The following SYNE1 variants were observed in gnomAD, a reference collection of about 807,000 sequenced individuals.
SYNE1 encodes the protein spectrin repeat containing nuclear envelope protein 1, also known as nesprin-1.
Under a neutral mutation model 1,111.0 loss-of-function variants are expected in SYNE1, and 616 were observed. The ratio of observed to expected loss-of-function variants is 0.55; its 90% confidence interval spans 0.52 to 0.59. The LOEUF is 0.59. Ranked by LOEUF, SYNE1 falls within the 20% of genes least tolerant of loss-of-function variation. The pLI is 0.00. For missense variants in SYNE1, 10,006 were observed against 10,417.0 expected, an observed-to-expected ratio of 0.96 and a Z score of 1.72; for synonymous variants, 3,855 against 3,825.8, an observed-to-expected ratio of 1.01 and a Z score of -0.28.
chr6:152,176,167 C>T lies in SYNE1; in HGVS notation c.23627+227G>A, dbSNP rs528281846. ...GTTTTGTTTGGATATGACTCTCTCT[C>T]TCTTTCTCGCAGCTACATACAAACA... is the stretch of plus-strand genomic sequence containing the variant. On this transcript the variant is annotated intron_variant, in intron 130 of 145. Coordinates refer to ENST00000367255, the MANE Select transcript of SYNE1 (RefSeq NM_182961.4). Among the ~76,000 whole-genome samples, 9 of 152,062 alleles carry T rather than the reference C, an allele frequency of 5.9e-5. No individual in the cohort carries two copies. The South Asian group carries it at 1.9e-3, about 32-fold the overall frequency.
chr6:152,137,888 T>G (rs1398765338), intron 140 of SYNE1, among the ~76,000 whole-genome samples: 1 of 152,180 alleles, frequency 6.6e-6, no homozygotes, highest in Non-Finnish European at 1.5e-5. Context: ...CAGGAGAAAG[T>G]ACAAAGGAGG....
chr6:152,393,006 C>T (rs1049902785), intron 51 of SYNE1, among the ~76,000 whole-genome samples: 1 of 152,070 alleles, frequency 6.6e-6, no homozygotes, highest in Non-Finnish European at 1.5e-5. Context: ...CCGTGGAGAA[C>T]CTGAATGAGC....
chr6:152,366,587 C>T (rs1407267384), intron 62 of SYNE1, among the ~76,000 whole-genome samples: 1 of 152,214 alleles, frequency 6.6e-6, no homozygotes, highest in Non-Finnish European at 1.5e-5. Context: ...AACCCCATCC[C>T]TTCTGCACGG....
chr6:152,475,179 G>A (rs979960062), intron 14 of SYNE1, among the ~76,000 whole-genome samples: 3 of 152,126 alleles, frequency 2.0e-5, no homozygotes, highest in African/African-American at 7.2e-5. Flanking sequence ...AGAGAAATCT[G>A]ATATAAATGC....
intron 50 of SYNE1, 23 bp from the exon 51 acceptor site, chr6:152,395,694 G>A: frequency 1.2e-6 from 2 of 1,613,574 alleles, no homozygotes; most frequent in African/African-American, 2.7e-5. Context: ...AAATGCCTTA[G>A]AGAAATTCTT....
chr6:152,344,550 C>G (rs1402051316), intron 73 of SYNE1, among the ~76,000 whole-genome samples: 1 of 152,160 alleles, frequency 6.6e-6, no homozygotes, highest in South Asian at 2.1e-4. Flanking sequence ...AAACATAAGT[C>G]AGAGGTTTTT....
At chr6:152,183,409 G>A (rs769109226) in intron 128 of SYNE1, among the ~76,000 whole-genome samples, 4 of 152,068 alleles carry the variant, frequency 2.6e-5, no homozygotes, top group South Asian at 2.1e-4. Flanking sequence ...AAGACCAGCC[G>A]GGCCAACATA....
intron 130 of SYNE1, among the ~76,000 whole-genome samples, chr6:152,164,707 T>C (rs1258384391): frequency 6.6e-6 from 1 of 152,122 alleles, no homozygotes; most frequent in Non-Finnish European, 1.5e-5. Context: ...CATGGCTGAG[T>C]GTACACAGAT....
intron 3 of SYNE1, among the ~76,000 whole-genome samples, chr6:152,576,013 G>T (rs906593722): frequency 6.6e-6 from 1 of 152,182 alleles, no homozygotes; most frequent in Non-Finnish European, 1.5e-5. Context: ...AGTGGACCTC[G>T]GCTAATCAGC....
chr6:152,424,246 G>T (rs954349777), intron 39 of SYNE1, among the ~76,000 whole-genome samples: 1 of 152,114 alleles, frequency 6.6e-6, no homozygotes, highest in African/African-American at 2.4e-5. Flanking sequence ...TATTAAAATG[G>T]TTTGTATCCA....
chr6:152,632,867 A>G (rs1225532651), intron 2 of SYNE1, among the ~76,000 whole-genome samples: 1 of 152,098 alleles, frequency 6.6e-6, no homozygotes, highest in Non-Finnish European at 1.5e-5. Context: ...ACTAGTTTCC[A>G]TTTTCCTTCC....
chr6:152,371,910 A>C (rs373776523), intron 59 of SYNE1, among the ~76,000 whole-genome samples: 2,803 of 46,132 alleles, frequency 0.061, 298 homozygotes, highest in African/African-American at 0.16. Context: ...AAGGAAAGGA[A>C]AGGAAAGGAA....
chr6:152,344,464 G>C lies in SYNE1; in HGVS notation c.12079-237C>G, dbSNP rs372015207. Among the ~76,000 whole-genome samples, 8 of 152,268 alleles carry C rather than the reference G, an allele frequency of 5.3e-5. No individual in the cohort carries two copies. In the East Asian group the frequency reaches 1.5e-3, roughly 29 times the overall value. ...TCACAGTGTAATATCCGGATTAGGGGAAGAGAACATGAGCAGGGTAAATAT... is the reference window on the plus strand; with the variant it reads ...TCACAGTGTAATATCCGGATTAGGGCAAGAGAACATGAGCAGGGTAAATAT... On this transcript the variant is annotated intron_variant, in intron 73 of 145. Coordinates refer to ENST00000367255, the MANE Select transcript of SYNE1 (RefSeq NM_182961.4).
At chr6:152,337,766 T>C (rs2096435742) in intron 75 of SYNE1, among the ~76,000 whole-genome samples, 2 of 152,356 alleles carry the variant, frequency 1.3e-5, no homozygotes, top group African/African-American at 4.8e-5. Context: ...CATGCTGAAT[T>C]ATTAATGTTT....
chr6:152,156,200 A>G (rs2152953990), intron 131 of SYNE1, 103 bp from the exon 132 acceptor site: 4 of 1,205,732 alleles, frequency 3.3e-6, no homozygotes, highest in Non-Finnish European at 4.9e-6. Context: ...ACCTTGACAA[A>G]TATTTAATTT....
intron 11 of SYNE1, among the ~76,000 whole-genome samples, chr6:152,493,840 C>G (rs1453137480): frequency 2.0e-5 from 3 of 152,160 alleles, no homozygotes; most frequent in African/African-American, 7.2e-5. Flanking sequence ...CTTTGGATAT[C>G]TGTTTTTGCC....
rs746384150 is a variant in SYNE1, at chr6:152,387,224, T to G, written c.8335A>C (p.Ile2779Leu). Reference sequence around the variant, plus strand: ...GTGTGATCTTCTGCCTCAGACAGGATGGACTGGAGGTGGTCAAGCAGGACG... The same window carrying G: ...GTGTGATCTTCTGCCTCAGACAGGAGGGACTGGAGGTGGTCAAGCAGGACG... The part of the protein sequence containing the change: ...KFVLLDHLQS[I>L]LSEAEDHTRA... Residue 2779 changes from isoleucine (I) to leucine (L), a missense_variant, in exon 54 of 146, where the codon ATC (isoleucine) becomes CTC (leucine). Ile to Leu is a conservative substitution (Grantham distance 5). Coordinates refer to ENST00000367255, the MANE Select transcript of SYNE1 (RefSeq NM_182961.4). 14 of 1,614,180 alleles carry G rather than the reference T, an allele frequency of 8.7e-6. No individual in the cohort carries two copies. The highest frequency in any genetic ancestry group is 1.2e-5 in the Non-Finnish European group (14 of 1,180,010).
chr6:152,384,871 C>CTG (rs1192819372), intron 55 of SYNE1, among the ~76,000 whole-genome samples: 2 of 141,514 alleles, frequency 1.4e-5, no homozygotes, highest in South Asian at 4.4e-4. Flanking sequence ...CAGAGCAAGA[C>CTG]TCCATTTCAA....
chr6:152,390,232 T>C, intron 53 of SYNE1, 48 bp downstream of exon 53: 4 of 1,606,928 alleles, frequency 2.5e-6, no homozygotes, highest in Non-Finnish European at 3.4e-6. Flanking sequence ...ATCATTTTAC[T>C]AAGTCACTGC....
Sources: gnomAD v4.1 joint callset for allele counts (sites outside exome capture counted in the v4.1 genomes callset) on GRCh38, gnomAD v4.1.1 for gene constraint, MANE v1.5 for transcripts, NCBI Gene and HGNC (gene_info 2026-07-23, HGNC 2026-07-21) for gene names.